ENTREP1: variants seen among roughly 807,000 people sequenced by gnomAD.
ENTREP1 encodes the protein endosomal transmembrane epsin interactor 1.
the ENTREP1 span, among the ~76,000 whole-genome samples, chr9:69,338,093 C>T: frequency 6.6e-6 from 1 of 152,112 alleles, no homozygotes; most frequent in East Asian, 1.9e-4. Flanking sequence ...CATTTTACAA[C>T]TCCATCAATG....
the ENTREP1 span, among the ~76,000 whole-genome samples, chr9:69,349,925 G>A: frequency 6.6e-6 from 1 of 152,164 alleles, no homozygotes; most frequent in Admixed American, 6.5e-5. Flanking sequence ...TCTATTGAAT[G>A]CATATGGCTT....
the ENTREP1 span, among the ~76,000 whole-genome samples, chr9:69,339,879 C>G: frequency 1.3e-5 from 2 of 152,160 alleles, no homozygotes; most frequent in Admixed American, 1.3e-4. Context: ...CTGCCTTGCC[C>G]CTAGCCATAT....
At chr9:69,351,293 G>A in the ENTREP1 span, among the ~76,000 whole-genome samples, 1 of 152,088 alleles carries the variant, frequency 6.6e-6, no homozygotes, top group Admixed American at 6.5e-5. Context: ...TGTCTAGGTG[G>A]AGTCTTTTCT....
chr9:69,384,848 GAATT>G, the ENTREP1 span, among the ~76,000 whole-genome samples: 125,084 of 151,952 alleles, frequency 0.82, 51,556 homozygotes, highest in South Asian at 0.87. Flanking sequence ...ATCCTAAGTA[GAATT>G]AATTATGAAG....
the ENTREP1 span, chr9:69,388,060 G>A: frequency 6.9e-6 from 11 of 1,605,152 alleles, no homozygotes. Flanking sequence ...TTTGTCAGAT[G>A]CTTTCCATGT....
chr9:69,383,107 G>A, the ENTREP1 span: 1 of 985,228 alleles, frequency 1.0e-6, no homozygotes, highest in African/African-American at 1.7e-5. Context: ...AAAAACAAGA[G>A]TCATGTAGAA....
chr9:69,361,502 G>A, the ENTREP1 span, among the ~76,000 whole-genome samples: 1 of 152,038 alleles, frequency 6.6e-6, no homozygotes, highest in Non-Finnish European at 1.5e-5. Flanking sequence ...TTCCACTTAC[G>A]AAATGTACTA....
chr9:69,350,267 G>C, the ENTREP1 span, among the ~76,000 whole-genome samples: 1 of 152,140 alleles, frequency 6.6e-6, no homozygotes, highest in Non-Finnish European at 1.5e-5. Context: ...GTGTGAGGCA[G>C]GGGTCCAGGT....
At chr9:69,333,035 TGA>T in the ENTREP1 span, among the ~76,000 whole-genome samples, 1 of 152,194 alleles carries the variant, frequency 6.6e-6, no homozygotes, top group East Asian at 1.9e-4. Flanking sequence ...AAGTATTTAT[TGA>T]GAGAGAAAAG....
the ENTREP1 span, among the ~76,000 whole-genome samples, chr9:69,367,526 A>C: frequency 1.3e-5 from 2 of 148,680 alleles, no homozygotes; most frequent in Non-Finnish European, 3.0e-5. Context: ...CTTCTTTCAT[A>C]TCTTTCATCA....
chr9:69,369,293 G>A, the ENTREP1 span, among the ~76,000 whole-genome samples: 4 of 151,648 alleles, frequency 2.6e-5, no homozygotes, highest in South Asian at 2.1e-4. Context: ...ATAAACATAC[G>A]TGTGTGTGTG....
At chr9:69,391,582 C>T in the ENTREP1 span, 3 of 1,610,642 alleles carry the variant, frequency 1.9e-6, no homozygotes, top group African/African-American at 1.3e-5. Flanking sequence ...CTTCTCCCCA[C>T]CCCTCTCTTT....
chr9:69,325,467 C>G, the ENTREP1 span: 1 of 934,980 alleles, frequency 1.1e-6, no homozygotes, highest in Non-Finnish European at 1.3e-6. Flanking sequence ...CTGCAGCCCC[C>G]GTCGCGGCCT....
chr9:69,362,556 A>G, the ENTREP1 span, among the ~76,000 whole-genome samples: 2 of 152,342 alleles, frequency 1.3e-5, no homozygotes, highest in African/African-American at 2.4e-5. Flanking sequence ...TCATGATTCA[A>G]ATGAATAACA....
the ENTREP1 span, among the ~76,000 whole-genome samples, chr9:69,370,002 G>T: frequency 1.4e-4 from 22 of 152,214 alleles, 1 homozygote; most frequent in Non-Finnish European, 3.1e-4. Flanking sequence ...TCTGTAGCTT[G>T]CCTACTATTG....
chr9:69,350,668 G>A, the ENTREP1 span, among the ~76,000 whole-genome samples: 2 of 152,162 alleles, frequency 1.3e-5, no homozygotes, highest in Non-Finnish European at 2.9e-5. Flanking sequence ...ATTGAGGGAA[G>A]ACAGCTCTCT....
the ENTREP1 span, chr9:69,388,257 G>C: frequency 1.2e-6 from 2 of 1,614,148 alleles, no homozygotes; most frequent in Non-Finnish European, 1.7e-6. Context: ...AGAGCTTCGC[G>C]ATGCAGACCG....
chr9:69,329,341 T>G, the ENTREP1 span: 1 of 961,756 alleles, frequency 1.0e-6, no homozygotes, highest in Non-Finnish European at 1.2e-6. Flanking sequence ...TTGAAATGAC[T>G]ATTTGTTGAA....
the ENTREP1 span, among the ~76,000 whole-genome samples, chr9:69,328,527 C>T: frequency 6.6e-6 from 1 of 152,172 alleles, no homozygotes; most frequent in East Asian, 1.9e-4. Flanking sequence ...CCCTTCCTAA[C>T]ACCCCTGGAT....
Sources: allele counts gnomAD v4.1 joint callset (sites outside exome capture counted in the v4.1 genomes callset), GRCh38; gene constraint gnomAD v4.1.1; transcripts MANE v1.5; gene names NCBI Gene and HGNC (gene_info 2026-07-23, HGNC 2026-07-21).